TMEM87A: variants seen among roughly 807,000 people sequenced by gnomAD.
TMEM87A encodes the protein Golgi-pH regulating cation channel.
Under a neutral mutation model 90.0 loss-of-function variants are expected in TMEM87A, and 50 were observed. The ratio of observed to expected loss-of-function variants is 0.56; its 90% CI spans 0.44 to 0.70. The LOEUF (loss-of-function observed/expected upper bound fraction) is 0.70, where lower values mean the gene tolerates loss of function less well. Among genes scored for constraint, TMEM87A ranks in the 30% least tolerant of loss-of-function variants. The pLI, the probability that TMEM87A is intolerant of heterozygous loss-of-function variation, is 0.00. For synonymous variants in TMEM87A, 226 were observed against 226.7 expected, an observed-to-expected ratio of 1.00 and a Z score of 0.03; for missense variants, 577 against 660.5, an observed-to-expected ratio of 0.87 and a Z score of 1.39.
chr15:42,216,709 T>C (rs1335992301), intron 19 of TMEM87A, among the ~76,000 whole-genome samples: 1 of 152,196 alleles, frequency 6.6e-6, no homozygotes, highest in Non-Finnish European at 1.5e-5. Context: ...TCTCAATTAT[T>C]TCAACACATA....
chr15:42,251,470 T>A (rs1417134894), intron 6 of TMEM87A, among the ~76,000 whole-genome samples: 1 of 152,200 alleles, frequency 6.6e-6, no homozygotes. Flanking sequence ...TTCTTTTCTG[T>A]TTGTTAGTTT....
At chr15:42,268,639 CCTGG>C (rs1313814925) in intron 2 of TMEM87A, among the ~76,000 whole-genome samples, 2 of 152,026 alleles carry the variant, frequency 1.3e-5, no homozygotes, top group Non-Finnish European at 2.9e-5. Context: ...TGCACTCCAG[CCTGG>C]GCGACAGAGC....
At chr15:42,234,010 A>G (rs1184571621) in intron 10 of TMEM87A, among the ~76,000 whole-genome samples, 2 of 150,834 alleles carry the variant, frequency 1.3e-5, no homozygotes, top group African/African-American at 4.9e-5. Flanking sequence ...TAGAACTCCT[A>G]GGCTTAAGCG....
At chr15:42,245,703 T>C (rs1476334450) in intron 6 of TMEM87A, among the ~76,000 whole-genome samples, 2 of 151,786 alleles carry the variant, frequency 1.3e-5, no homozygotes, top group Admixed American at 6.6e-5. Context: ...TTTTTTTTTT[T>C]GTATTTTTGG....
chr15:42,246,311 T>TA (rs1480349592), intron 6 of TMEM87A, among the ~76,000 whole-genome samples: 6 of 152,240 alleles, frequency 3.9e-5, no homozygotes, highest in Admixed American at 3.3e-4. Flanking sequence ...TGTTTTTTTT[T>TA]ATACCTTAAG....
chr15:42,273,118 T>C, intron 1 of TMEM87A, 137 bp downstream of exon 1: 1 of 1,109,008 alleles, frequency 9.0e-7, no homozygotes, highest in Non-Finnish European at 1.3e-6. Context: ...GGGTCCCAGT[T>C]GGCTAGCCAC....
chr15:42,243,146 T>C (rs759629887), intron 7 of TMEM87A, among the ~76,000 whole-genome samples: 5 of 151,998 alleles, frequency 3.3e-5, no homozygotes, highest in Admixed American at 6.6e-5. Context: ...CGGGCGCCTG[T>C]AGTCCCAGCT....
At chr15:42,265,684 CAGA>C (rs2051388740) in intron 3 of TMEM87A, among the ~76,000 whole-genome samples, 2 of 152,244 alleles carry the variant, frequency 1.3e-5, no homozygotes, top group Admixed American at 1.3e-4. Flanking sequence ...TTTTGCTGTG[CAGA>C]AGCTCTTAAA....
chr15:42,227,615 A>T (rs542797840), intron 14 of TMEM87A, 96 bp downstream of exon 14: 27 of 1,085,300 alleles, frequency 2.5e-5, no homozygotes, highest in Non-Finnish European at 3.3e-5. Flanking sequence ...CTAATTTTTT[A>T]TAAGGTATAT....
At chr15:42,248,376 T>A (rs1411827114) in intron 6 of TMEM87A, among the ~76,000 whole-genome samples, 2 of 152,204 alleles carry the variant, frequency 1.3e-5, no homozygotes, top group South Asian at 2.1e-4. Flanking sequence ...TCAAAGGGAA[T>A]GCTTCCAGTT....
upstream of TMEM87A, chr15:42,273,528 G>T: frequency 6.9e-7 from 1 of 1,445,686 alleles, no homozygotes; most frequent in Non-Finnish European, 9.2e-7. Context: ...TTGCTGTGCG[G>T]CGTAGCGGCC....
At chr15:42,243,623 G>A (rs961964642) in intron 7 of TMEM87A, among the ~76,000 whole-genome samples, 2 of 150,170 alleles carry the variant, frequency 1.3e-5, no homozygotes, top group Non-Finnish European at 3.0e-5. Context: ...GGGTTCAAGC[G>A]ATTCTCCCGC....
intron 8 of TMEM87A, 56 bp downstream of exon 8, chr15:42,239,613 CA>C: frequency 7.2e-7 from 1 of 1,395,730 alleles, no homozygotes; most frequent in East Asian, 2.3e-5. Context: ...AAACATGGGA[CA>C]ATCTTTGAAC....
intron 15 of TMEM87A, among the ~76,000 whole-genome samples, chr15:42,225,239 C>T (rs999182680): frequency 3.3e-5 from 5 of 151,904 alleles, no homozygotes; most frequent in African/African-American, 1.2e-4. Context: ...TATCATGCTA[C>T]CCTTTTCCTT....
At chr15:42,250,583 T>C (rs761246424) in intron 6 of TMEM87A, among the ~76,000 whole-genome samples, 2 of 152,090 alleles carry the variant, frequency 1.3e-5, no homozygotes, top group Non-Finnish European at 2.9e-5. Flanking sequence ...GAATGTTGAA[T>C]ATTGGCCCCC....
At chr15:42,264,699 A>ATATAT (rs10681614) in intron 3 of TMEM87A, among the ~76,000 whole-genome samples, 1,776 of 109,440 alleles carry the variant, frequency 0.016, 21 homozygotes, top group South Asian at 0.038. Context: ...ATATATATAT[A>ATATAT]TTTTTTTTTT....
chr15:42,227,833 C>T (rs2050623656), intron 13 of TMEM87A, 64 bp from the exon 14 acceptor site: 24 of 1,469,028 alleles, frequency 1.6e-5, no homozygotes, highest in Non-Finnish European at 2.2e-5. Context: ...ATTACATTCC[C>T]CCATTTCCGG....
chr15:42,227,934 T>C (rs1021515438), intron 13 of TMEM87A, among the ~76,000 whole-genome samples, 165 bp from the exon 14 acceptor site: 1 of 152,174 alleles, frequency 6.6e-6, no homozygotes, highest in Admixed American at 6.5e-5. Flanking sequence ...AAGGACTGTA[T>C]ACCTGCTATC....
intron 6 of TMEM87A, among the ~76,000 whole-genome samples, chr15:42,249,693 C>G (rs1231850209): frequency 6.6e-6 from 1 of 152,150 alleles, no homozygotes; most frequent in Admixed American, 6.5e-5. Context: ...TTACTTCCAA[C>G]TATGTGGTCA....
Sources: allele counts gnomAD v4.1 joint callset (sites outside exome capture counted in the v4.1 genomes callset), GRCh38; gene constraint gnomAD v4.1.1; transcripts MANE v1.5; gene names NCBI Gene and HGNC (gene_info 2026-07-23, HGNC 2026-07-21).